Variants in SEC14L1 observed in about 807,000 individuals in gnomAD.
The protein encoded by SEC14L1 is SEC14 like lipid binding 1.
SEC14L1 carries 48 observed loss-of-function variants against 85.3 expected under a neutral mutation model. That is an observed-to-expected ratio of 0.56 (90% CI 0.45 to 0.72). The LOEUF is 0.72. Ranked by LOEUF, SEC14L1 falls within the 30% of genes least tolerant of loss-of-function variation. SEC14L1 has a pLI of 0.00. For synonymous variants in SEC14L1, 391 were observed against 355.5 expected (o/e 1.10, Z -1.12); for missense variants, 682 against 921.4 (o/e 0.74, Z 3.36).
intron 3 of SEC14L1, among the ~76,000 whole-genome samples, chr17:77,157,893 T>A (rs139157605): frequency 2.0e-5 from 3 of 152,128 alleles, no homozygotes; most frequent in Non-Finnish European, 4.4e-5. Flanking sequence ...TAGGCTCTTA[T>A]TACATCATGT....
intron 14 of SEC14L1, chr17:77,209,739 C>A: frequency 2.9e-6 from 1 of 341,124 alleles, no homozygotes; most frequent in Non-Finnish European, 5.3e-6. Flanking sequence ...TTTACTAAAG[C>A]CACCAAACAC....
At chr17:77,144,182 C>T (rs1598292220) in intron 3 of SEC14L1, among the ~76,000 whole-genome samples, 1 of 152,288 alleles carries the variant, frequency 6.6e-6, no homozygotes, top group South Asian at 2.1e-4. Flanking sequence ...CAAAGCAAAC[C>T]TTTTCCAGTC....
At chr17:77,137,443 A>C (rs936133881), upstream of SEC14L1, among the ~76,000 whole-genome samples, 21 of 152,138 alleles carry the variant, frequency 1.4e-4, no homozygotes, top group Admixed American at 1.4e-3. Flanking sequence ...AGAAGATCTC[A>C]TGTGAACTTA....
At chr17:77,165,383 C>T (rs1486979114) in intron 3 of SEC14L1, among the ~76,000 whole-genome samples, 1 of 152,104 alleles carries the variant, frequency 6.6e-6, no homozygotes, top group Non-Finnish European at 1.5e-5. Flanking sequence ...AGACAGGAGA[C>T]ATCAGTCAGT....
At chr17:77,147,020 C>T (rs1425873840) in intron 3 of SEC14L1, among the ~76,000 whole-genome samples, 1 of 152,148 alleles carries the variant, frequency 6.6e-6, no homozygotes, top group Non-Finnish European at 1.5e-5. Flanking sequence ...GAGAACGGAA[C>T]CGTAGCTTCC....
chr17:77,155,933 C>G (rs546660933), intron 3 of SEC14L1, among the ~76,000 whole-genome samples: 5 of 152,126 alleles, frequency 3.3e-5, no homozygotes, highest in Non-Finnish European at 7.4e-5. Flanking sequence ...CTCCCAGAAT[C>G]CTTTGTCATT....
chr17:77,179,526 G>C (rs1382401280), intron 3 of SEC14L1, among the ~76,000 whole-genome samples: 1 of 152,074 alleles, frequency 6.6e-6, no homozygotes, highest in African/African-American at 2.4e-5. Flanking sequence ...AGCACTTTAG[G>C]ATGAACTTAC....
intron 10 of SEC14L1, among the ~76,000 whole-genome samples, chr17:77,205,036 C>G (rs970280296): frequency 6.6e-6 from 1 of 152,196 alleles, no homozygotes; most frequent in Non-Finnish European, 1.5e-5. Context: ...CTGTGCTTCA[C>G]TTTGGATAGC....
intron 3 of SEC14L1, among the ~76,000 whole-genome samples, chr17:77,187,759 G>A (rs887721097): frequency 1.5e-4 from 21 of 140,092 alleles, no homozygotes; most frequent in African/African-American, 5.7e-4. Flanking sequence ...TTTTTTTGGA[G>A]ACAGGGTCTT....
At chr17:77,212,903 T>C (rs1254904921) in intron 15 of SEC14L1, among the ~76,000 whole-genome samples, 2 of 152,232 alleles carry the variant, frequency 1.3e-5, no homozygotes. Context: ...CGGCTCACTT[T>C]AGGGTGACGT....
At chr17:77,093,411 GT>G (rs1357243067) in intron 3 of SEC14L1, 1 of 152,184 alleles carries the variant, frequency 6.6e-6, no homozygotes, top group Non-Finnish European at 1.5e-5. Flanking sequence ...ACCCTGTTGT[GT>G]ATGGCTATAA....
intron 3 of SEC14L1, among the ~76,000 whole-genome samples, chr17:77,095,674 A>T (rs1038520028): frequency 6.6e-6 from 1 of 152,022 alleles, no homozygotes; most frequent in African/African-American, 2.4e-5. Flanking sequence ...AAATTCAACC[A>T]GGTGTCGTGG....
At chr17:77,129,649 T>C (rs567788104) in intron 3 of SEC14L1, among the ~76,000 whole-genome samples, 1 of 152,246 alleles carries the variant, frequency 6.6e-6, no homozygotes, top group Non-Finnish European at 1.5e-5. Flanking sequence ...TGATGACCCC[T>C]GTGTGTCTTC....
chr17:77,101,489 A>G (rs1053537192), intron 3 of SEC14L1, among the ~76,000 whole-genome samples: 3 of 151,990 alleles, frequency 2.0e-5, no homozygotes, highest in Admixed American at 6.6e-5. Flanking sequence ...CTCTTTTTTG[A>G]CCAGACATAA....
At chr17:77,134,779 A>G (rs184904180) in intron 3 of SEC14L1, among the ~76,000 whole-genome samples, 1 of 152,302 alleles carries the variant, frequency 6.6e-6, no homozygotes, top group East Asian at 1.9e-4. Context: ...GTTGTTGTTG[A>G]GACAGGGTCT....
intron 3 of SEC14L1, among the ~76,000 whole-genome samples, chr17:77,157,341 G>A (rs993570244): frequency 3.3e-5 from 5 of 152,090 alleles, no homozygotes; most frequent in African/African-American, 9.7e-5. Flanking sequence ...ATGTAAATTC[G>A]AAGAGTTCCA....
intron 8 of SEC14L1, among the ~76,000 whole-genome samples, chr17:77,197,255 T>G (rs1975860784): frequency 6.6e-6 from 1 of 152,194 alleles, no homozygotes; most frequent in African/African-American, 2.4e-5. Flanking sequence ...CGGACCAGCC[T>G]CTTGAGTTGG....
At position 77,205,292 on chromosome 17, in the gene SEC14L1, A is replaced by C; in HGVS notation, c.1115A>C (p.Glu372Ala). Residue 372 changes from glutamate to alanine, a missense_variant, in exon 11 of 17, where the codon GAA becomes GCA. Physicochemically the swap from Glu to Ala is moderately radical, Grantham distance 107 (BLOSUM62 -1). This residue lies in a region of SEC14L1 where 420 missense variants were observed against 619.5 expected (regional missense o/e 0.68). Coordinates refer to ENST00000436233, the MANE Select transcript of SEC14L1 (RefSeq NM_001143998.2). The part of the protein sequence containing the change: ...ALLRYVLSIN[E>A]EGLRRCEENT... ...TGTATGTAGGTTCTCTCCATAAATG[A>C]AGAAGGGCTAAGGCGATGCGAAGAG... is the stretch of plus-strand genomic sequence containing the variant. 1 of 1,614,000 alleles carries C rather than the reference A, an allele frequency of 6.2e-7. No individual in the cohort carries two copies. The highest frequency in any genetic ancestry group is 8.5e-7 in the Non-Finnish European group (1 of 1,179,910).
At chr17:77,137,201 G>A (rs62078288), upstream of SEC14L1, among the ~76,000 whole-genome samples, 23,129 of 152,114 alleles carry the variant, frequency 0.15, 2,053 homozygotes, top group Admixed American at 0.22. Flanking sequence ...GAGCCACCAC[G>A]CTCAGCCACA....
Sources: allele counts gnomAD v4.1 joint callset (sites outside exome capture counted in the v4.1 genomes callset), GRCh38; gene constraint gnomAD v4.1.1; regional missense constraint gnomAD v4.1.1; transcripts MANE v1.5; gene names NCBI Gene and HGNC (gene_info 2026-07-23, HGNC 2026-07-21).